Variants in NAB1 observed in about 807,000 individuals in gnomAD.
NAB1 encodes the protein NGFI-A-binding protein 1.
Under a neutral mutation model 49.9 loss-of-function variants are expected in NAB1, and 25 were observed. That is an observed-to-expected ratio of 0.50 (90% CI 0.37 to 0.70). The LOEUF (loss-of-function observed/expected upper bound fraction) is 0.70, where lower values mean the gene tolerates loss of function less well. Ranked by LOEUF, NAB1 falls within the 30% of genes least tolerant of loss-of-function variation. The probability of loss-of-function intolerance (pLI) is 0.00; values close to 1 mark genes in which losing one functional copy is unlikely to be tolerated. For synonymous variants in NAB1, 198 were observed against 215.6 expected (o/e 0.92, Z 0.71); for missense variants, 489 against 575.9 (o/e 0.85, Z 1.54).
Position 190,690,278 on chromosome 2 carries a change from C to G in NAB1, c.1409C>G (p.Ser470Ter), listed in dbSNP as rs767613737. The change falls in exon 10 of 10, where the codon TCA (serine) becomes TGA (stop). Residue 470 changes from serine (S) to a stop codon, truncating the protein, a stop_gained. Transcript: ENST00000337386. LOFTEE classifies it high-confidence loss of function. ...SLGILKDYPH[S>*]AFTLEKKVIK... ...GGGATTTTAAAAGACTACCCTCATTCAGCTTTTACCTTAGAAAAGAAAGTC... is the reference window on the plus strand; with the variant it reads ...GGGATTTTAAAAGACTACCCTCATTGAGCTTTTACCTTAGAAAAGAAAGTC... 6.2e-7 allele frequency: 1 copy of G among 1,612,770 alleles called. No individual in the cohort carries two copies. Among genetic ancestry groups the G allele is most frequent in the Non-Finnish European group, 8.5e-7 (1 of 1,179,146 alleles).
At position 190,685,240 on chromosome 2, in the gene NAB1, C is replaced by T. The variant is rs1695547540; in HGVS notation, c.1096-236C>T. Among the ~76,000 whole-genome samples, 1 of 152,204 alleles carries T rather than the reference C, an allele frequency of 6.6e-6. No individual in the cohort carries two copies. The highest frequency in any genetic ancestry group is 2.1e-4 in the South Asian group (1 of 4,834). On this transcript the variant is annotated intron_variant, in intron 7 of 9. Transcript: ENST00000337386. The surrounding 1 kb of genome is among the most constrained non-coding windows in gnomAD (Gnocchi z 4.5). ...GTTGCTTTTGAGCTGACATGGAATT[C>T]TCTTGAAAGAATTGAGAAGAAAGCT...
At chr2:190,661,394 TTAG>T (rs2125634131) in intron 4 of NAB1, among the ~76,000 whole-genome samples, 1 of 152,310 alleles carries the variant, frequency 6.6e-6, no homozygotes, top group African/African-American at 2.4e-5. Context: ...ATGGCTGTCA[TTAG>T]TAGAAAAACA....
chr2:190,667,040 G>A lies in NAB1; in HGVS notation c.820-3286G>A, dbSNP rs1444679319. On this transcript the variant is annotated intron_variant, in intron 4 of 9. Coordinates refer to ENST00000337386, the MANE Select transcript of NAB1 (RefSeq NM_005966.4). This position sits in a 1 kb window ranked among gnomAD's most constrained non-coding sequence, Gnocchi z 4.4. ...TGACAGAACACGTGTTTTTAAGGGAGAGGCTTCATGAATCAGCTTTTTATT... is the reference window on the plus strand; with the variant it reads ...TGACAGAACACGTGTTTTTAAGGGAAAGGCTTCATGAATCAGCTTTTTATT... Among the ~76,000 whole-genome samples, 1 of 152,190 alleles carries A rather than the reference G, an allele frequency of 6.6e-6. No homozygotes were observed. The highest frequency in any genetic ancestry group is 2.4e-5 in the African/African-American group (1 of 41,440).
rs1694724028 is a variant in NAB1, at chr2:190,670,011, G to C, written c.820-315G>C. 6.6e-6 allele frequency among the ~76,000 whole-genome samples: 1 copy of C among 152,010 alleles called. No homozygotes were observed. Among genetic ancestry groups the C allele is most frequent in the Non-Finnish European group, 1.5e-5 (1 of 68,004 alleles). ...TCTAATATTTTGGGTTTTTTTATAA[G>C]CGAGTTGCAGAATATTTTTTACTTT... On this transcript the variant is annotated intron_variant, in intron 4 of 9. Coordinates refer to ENST00000337386, the MANE Select transcript of NAB1 (RefSeq NM_005966.4). This position sits in a 1 kb window ranked among gnomAD's most constrained non-coding sequence, Gnocchi z 5.3.
rs1239637606 is a variant in NAB1, at chr2:190,684,743, G to A, written c.1096-733G>A. 6.6e-6 allele frequency among the ~76,000 whole-genome samples: 1 copy of A among 151,958 alleles called. No homozygotes were observed. Among genetic ancestry groups the A allele is most frequent in the African/African-American group, 2.4e-5 (1 of 41,334 alleles). On this transcript the variant is annotated intron_variant, in intron 7 of 9. Coordinates refer to ENST00000337386, the MANE Select transcript of NAB1 (RefSeq NM_005966.4). The surrounding 1 kb of genome is among the most constrained non-coding windows in gnomAD (Gnocchi z 4.6). ...GTGCATTTTGACTATTATCTCCTTG[G>A]CAAAATACCACAAATACACTGCTCT...
In NAB1 at chr2:190,683,748, C is replaced by T; in HGVS notation, c.1016C>T (p.Pro339Leu). ...TTATTTGACCCACAGGATGGGTTTC[C>T]AGATTTCCAGGATTCTGTGCAAACA... ...PKRIKVEDGF[P>L]DFQDSVQTLF... Residue 339 changes from proline to leucine, a missense_variant, in exon 7 of 10, where the codon CCA becomes CTA. By Grantham distance (98) the Pro-to-Leu change is moderately conservative (BLOSUM62 -3). Coordinates refer to ENST00000337386, the MANE Select transcript of NAB1 (RefSeq NM_005966.4). The T allele has an allele frequency of 6.2e-7, 1 of 1,612,480 alleles. No individual in the cohort carries two copies. The highest frequency in any genetic ancestry group is 8.5e-7 in the Non-Finnish European group (1 of 1,179,484).
chr2:190,662,518 G>A (rs1232391265), intron 4 of NAB1, among the ~76,000 whole-genome samples: 1 of 152,060 alleles, frequency 6.6e-6, no homozygotes, highest in African/African-American at 2.4e-5. Context: ...GCTGGTGTTC[G>A]GCAGGTGCCA....
At position 190,689,414 on chromosome 2, in the gene NAB1, C is replaced by T. The variant is rs1417589376; in HGVS notation, c.1376-831C>T. 2.6e-5 allele frequency among the ~76,000 whole-genome samples: 4 copies of T among 152,128 alleles called. No homozygotes were observed. The highest frequency in any genetic ancestry group is 1.9e-4 in the East Asian group (1 of 5,196). On this transcript the variant is annotated intron_variant, in intron 9 of 9. Coordinates refer to ENST00000337386, the MANE Select transcript of NAB1 (RefSeq NM_005966.4). This position sits in a 1 kb window ranked among gnomAD's most constrained non-coding sequence, Gnocchi z 4.3. Reference sequence around the variant, plus strand: ...ACTACTCTTACGCGGAACTTAAAATCCCCTTCTGTTTAGATAGAGAGGATT... The same window carrying T: ...ACTACTCTTACGCGGAACTTAAAATTCCCTTCTGTTTAGATAGAGAGGATT...
chr2:190,652,943 C>T lies in NAB1; in HGVS notation c.-197+2961C>T, dbSNP rs536380143. On this transcript the variant is annotated intron_variant, in intron 2 of 9. Coordinates refer to ENST00000337386, the MANE Select transcript of NAB1 (RefSeq NM_005966.4). This position sits in a 1 kb window ranked among gnomAD's most constrained non-coding sequence, Gnocchi z 4.2. ...CCGAGGCCTGTGGTTGCATGCAGCC[C>T]AGGAGGGCTTTGAATACGGCCCAAC... Among the ~76,000 whole-genome samples, 1 of 152,296 alleles carries T rather than the reference C, an allele frequency of 6.6e-6. No individual in the cohort carries two copies. The highest frequency in any genetic ancestry group is 2.4e-5 in the African/African-American group (1 of 41,554).
Position 190,691,723 on chromosome 2 carries a change from T to A in NAB1, c.*1390T>A, listed in dbSNP as rs1416092872. 1 of 152,272 alleles carries A rather than the reference T, an allele frequency of 6.6e-6. No homozygotes were observed. Among genetic ancestry groups the A allele is most frequent in the East Asian group, 1.9e-4 (1 of 5,186 alleles). The allele number at this position is 152,272 out of a possible 1,614,324, so 9.4% of individuals were successfully genotyped here. A position where few individuals can be genotyped will look rare whatever the true frequency, so the allele number is the denominator to read the frequency against. ...CTACAGATGCATCTAAACCCAGATA[T>A]TACTGAGAAGAGTGTATTGACTCTG... On this transcript the variant is annotated 3_prime_UTR_variant, in exon 10 of 10. Transcript: ENST00000337386. This position sits in a 1 kb window ranked among gnomAD's most constrained non-coding sequence, Gnocchi z 4.1.
Position 190,677,856 on chromosome 2 carries a change from AT to A in NAB1, c.1005+4706del, listed in dbSNP as rs10709609. 0.065 allele frequency among the ~76,000 whole-genome samples: 9,932 copies of A among 152,222 alleles called. 524 individuals carry two copies. Among genetic ancestry groups the A allele is most frequent in the Middle Eastern group, 0.14 (40 of 294 alleles). On this transcript the variant is annotated intron_variant, in intron 6 of 9. Transcript: ENST00000337386. This position sits in a 1 kb window ranked among gnomAD's most constrained non-coding sequence, Gnocchi z 5.6. ...ACCACCTTCCTAGGTGCTAATGATT[AT>A]TCACAAAGCATCTTACCTGTGAAAA...
chr2:190,658,940 A>C (rs1694074495), intron 3 of NAB1: 1 of 404,492 alleles, frequency 2.5e-6, no homozygotes, highest in South Asian at 5.6e-5. Context: ...CTTACCATTT[A>C]TTCTCTTTTG....
In NAB1 at chr2:190,675,998, A is replaced by G. The variant is rs1695050532; in HGVS notation, c.1005+2846A>G. ...ACCAGAACTATTTCCGGAAGCTGTT[A>G]TGAGGTAGATAGTACTGGCTGTATA... On this transcript the variant is annotated intron_variant, in intron 6 of 9. Transcript: ENST00000337386. The surrounding 1 kb of genome is among the most constrained non-coding windows in gnomAD (Gnocchi z 5.2). Among the ~76,000 whole-genome samples the G allele has an allele frequency of 6.6e-6, 1 of 152,200 alleles. No homozygotes were observed. Among genetic ancestry groups the G allele is most frequent in the Non-Finnish European group, 1.5e-5 (1 of 68,040 alleles).
Position 190,667,681 on chromosome 2 carries a change from CAG to C in NAB1, c.820-2643_820-2642del, listed in dbSNP as rs1297703339. On this transcript the variant is annotated intron_variant, in intron 4 of 9. Transcript: ENST00000337386. The surrounding 1 kb of genome is among the most constrained non-coding windows in gnomAD (Gnocchi z 4.4). ...CTGTCAGTGGCCAAATTAATTGTCTCAGAACAAATTAATATAAATTACAGTTA... is the reference window on the plus strand; with the variant it reads ...CTGTCAGTGGCCAAATTAATTGTCTCAACAAATTAATATAAATTACAGTTA... Among the ~76,000 whole-genome samples the C allele has an allele frequency of 6.6e-6, 1 of 152,030 alleles. No individual in the cohort carries two copies. Among genetic ancestry groups the C allele is most frequent in the African/African-American group, 2.4e-5 (1 of 41,386 alleles).
intron 4 of NAB1, 111 bp downstream of exon 4, chr2:190,660,106 A>G (rs1694145516): frequency 4.4e-6 from 4 of 917,612 alleles, no homozygotes; most frequent in African/African-American, 1.7e-5. Flanking sequence ...TGAAAGCAGT[A>G]TTAAAAACAT....
Position 190,685,173 on chromosome 2 carries a change from C to T in NAB1, c.1096-303C>T, listed in dbSNP as rs79398215. ...TTTTAGATTTCTGTTTTAAAAAATC[C>T]TTTAAAGGACTTAGTACCTTGGAAA... On this transcript the variant is annotated intron_variant, in intron 7 of 9. Transcript: ENST00000337386. The surrounding 1 kb of genome is among the most constrained non-coding windows in gnomAD (Gnocchi z 4.5). 4.2e-3 allele frequency among the ~76,000 whole-genome samples: 633 copies of T among 152,198 alleles called. 11 individuals are homozygous for T. In the East Asian group the frequency reaches 0.046, roughly 11 times the overall value.
chr2:190,680,611 AT>A lies in NAB1; in HGVS notation c.1006-3122del, dbSNP rs1364817296. 1.3e-5 allele frequency among the ~76,000 whole-genome samples: 2 copies of A among 152,176 alleles called. No individual in the cohort carries two copies. The highest frequency in any genetic ancestry group is 4.8e-5 in the African/African-American group (2 of 41,436). On this transcript the variant is annotated intron_variant, in intron 6 of 9. Coordinates refer to ENST00000337386, the MANE Select transcript of NAB1 (RefSeq NM_005966.4). The surrounding 1 kb of genome is among the most constrained non-coding windows in gnomAD (Gnocchi z 5.2). ...TATGAATCAGCTGGGTGGATGCGACATTTTTGTTGAATGTATAAACACATGT... is the reference window on the plus strand; with the variant it reads ...TATGAATCAGCTGGGTGGATGCGACATTTTGTTGAATGTATAAACACATGT...
Position 190,670,223 on chromosome 2 carries a change from C to A in NAB1, c.820-103C>A. Reference sequence around the variant, plus strand: ...ATTCTGATTTTTATGAATAATGATTCCATTATATAATGGTGTAACATTCTT... The same window carrying A: ...ATTCTGATTTTTATGAATAATGATTACATTATATAATGGTGTAACATTCTT... On this transcript the variant is annotated intron_variant, in intron 4 of 9. Transcript: ENST00000337386. This position sits in a 1 kb window ranked among gnomAD's most constrained non-coding sequence, Gnocchi z 5.3. 3.8e-6 allele frequency: 4 copies of A among 1,048,364 alleles called. No individual in the cohort carries two copies. Among genetic ancestry groups the A allele is most frequent in the South Asian group, 3.8e-5 (2 of 52,466 alleles). 64.9% of individuals were successfully genotyped at this position (1,048,364 alleles called of 1,614,324 possible).
At position 190,686,479 on chromosome 2, in the gene NAB1, C is replaced by T. The variant is rs766533889; in HGVS notation, c.1259-722C>T. ...TAAGGATACCATCTTAACAAGGATT[C>T]TCCAGCCATGGACTGAAATATTACA... On this transcript the variant is annotated intron_variant, in intron 8 of 9. Coordinates refer to ENST00000337386, the MANE Select transcript of NAB1 (RefSeq NM_005966.4). The surrounding 1 kb of genome is among the most constrained non-coding windows in gnomAD (Gnocchi z 5.5). Among the ~76,000 whole-genome samples, 2 of 152,172 alleles carry T rather than the reference C, an allele frequency of 1.3e-5. No individual in the cohort carries two copies. Among genetic ancestry groups the T allele is most frequent in the Non-Finnish European group, 2.9e-5 (2 of 68,016 alleles).
Sources: gnomAD v4.1 joint callset for allele counts (sites outside exome capture counted in the v4.1 genomes callset) on GRCh38, gnomAD v4.1.1 for gene constraint, Gnocchi (gnomAD v3.1) non-coding constraint, MANE v1.5 for transcripts, NCBI Gene and HGNC (gene_info 2026-07-23, HGNC 2026-07-21) for gene names.